The following LEMD1 variants were observed in gnomAD, a reference collection of about 807,000 sequenced individuals.
LEMD1 encodes LEM domain-containing protein 1.
A neutral mutation model predicts 17.4 loss-of-function variants in LEMD1; 18 were observed. The observed-to-expected ratio is 1.04, with a 90% confidence interval of 0.72 to 1.54. The LOEUF is 1.54. Among genes scored for constraint, LEMD1 ranks in the 40% most tolerant of loss-of-function variants. The pLI, the probability that LEMD1 is intolerant of heterozygous loss-of-function variation, is 0.00. For synonymous variants in LEMD1, 88 were observed against 77.8 expected (o/e 1.13, Z -0.69); for missense variants, 195 against 210.4 (o/e 0.93, Z 0.45).
rs187026787 is a variant in LEMD1 at position 205,416,563 on chromosome 1, G to A, written c.206-267C>T. Among the ~76,000 whole-genome samples the A allele has an allele frequency of 2.6e-5, 4 of 152,232 alleles. No homozygotes were observed. In the East Asian group the frequency reaches 5.8e-4, roughly 22 times the overall value. On this transcript the variant is annotated intron_variant, in intron 3 of 5. Coordinates refer to ENST00000367153, the MANE Select transcript of LEMD1 (RefSeq NM_001199050.2). ...ATACACAAGCTGGCTGCCCATCTGG[G>A]CAGCTGTTTGCAGTCTAGTCATTGT...
chr1:205,397,793 G>A (rs1338857142), intron 4 of LEMD1, among the ~76,000 whole-genome samples: 1 of 152,128 alleles, frequency 6.6e-6, no homozygotes, highest in Non-Finnish European at 1.5e-5. Context: ...TTTAGCTAAA[G>A]CCAATATTGG....
At chr1:205,433,600 G>A (rs781151939) in intron 1 of LEMD1, among the ~76,000 whole-genome samples, 2 of 152,204 alleles carry the variant, frequency 1.3e-5, no homozygotes, top group African/African-American at 4.8e-5. Flanking sequence ...TCAGTCAACA[G>A]CAGTGCACAG....
At chr1:205,411,379 C>G (rs1409015980) in intron 4 of LEMD1, among the ~76,000 whole-genome samples, 2 of 151,708 alleles carry the variant, frequency 1.3e-5, no homozygotes, top group Non-Finnish European at 2.9e-5. Flanking sequence ...CACGATGAAA[C>G]CCCTTCTCTA....
At chr1:205,435,843 CAG>C (rs1666196014) in intron 1 of LEMD1, 1 of 152,174 alleles carries the variant, frequency 6.6e-6, no homozygotes, top group African/African-American at 2.4e-5. Flanking sequence ...CTCAAAAGGG[CAG>C]AGACAAACCC....
intron 4 of LEMD1, among the ~76,000 whole-genome samples, chr1:205,413,119 T>G (rs980112086): frequency 3.9e-5 from 6 of 152,244 alleles, no homozygotes; most frequent in Non-Finnish European, 8.8e-5. Flanking sequence ...TCTTTTCATT[T>G]GTTTAAACTT....
chr1:205,439,868 A>T (rs1666264851), intron 1 of LEMD1, among the ~76,000 whole-genome samples: 1 of 151,750 alleles, frequency 6.6e-6, no homozygotes, highest in Non-Finnish European at 1.5e-5. Flanking sequence ...GGAAGGAAGA[A>T]GGAAAGAGGG....
chr1:205,427,501 G>GAC (rs978004077), intron 1 of LEMD1, among the ~76,000 whole-genome samples: 2 of 151,712 alleles, frequency 1.3e-5, no homozygotes, highest in South Asian at 2.1e-4. Context: ...GAGAGAGAGA[G>GAC]AGAGAGACAG....
rs530315112 is a variant in LEMD1, at chr1:205,419,452, C to G, written c.83-100G>C. The G allele has an allele frequency of 7.5e-6, 10 of 1,334,698 alleles. No homozygotes were observed. In the East Asian group the frequency reaches 1.2e-4, roughly 15 times the overall value. The allele number at this position is 1,334,698 out of a possible 1,614,324, so 82.7% of individuals were successfully genotyped here. ...ATAACTCAGAATTTTATTCTTAACC[C>G]TTACATTATTGGTTAATTATGGCTT... On this transcript the variant is annotated intron_variant, in intron 2 of 5. Coordinates refer to ENST00000367153, the MANE Select transcript of LEMD1 (RefSeq NM_001199050.2).
At chr1:205,416,039 G>T (rs1216698570) in intron 4 of LEMD1, among the ~76,000 whole-genome samples, 193 bp downstream of exon 4, 1 of 152,042 alleles carries the variant, frequency 6.6e-6, no homozygotes, top group Non-Finnish European at 1.5e-5. Context: ...TGTCATTCTG[G>T]GTCCTCTGCT....
At chr1:205,440,285 T>G (rs1419501540) in intron 1 of LEMD1, among the ~76,000 whole-genome samples, 2 of 152,060 alleles carry the variant, frequency 1.3e-5, no homozygotes, top group Admixed American at 1.3e-4. Flanking sequence ...AAACACTGCT[T>G]TCTGGAGAGC....
upstream of LEMD1, among the ~76,000 whole-genome samples, chr1:205,426,006 C>T (rs1381567401): frequency 6.6e-6 from 1 of 152,212 alleles, no homozygotes; most frequent in African/African-American, 2.4e-5. Context: ...CACAGAGCAG[C>T]TCCACTCCAG....
At chr1:205,390,882 A>G (rs112576928) in intron 4 of LEMD1, among the ~76,000 whole-genome samples, 51 of 152,330 alleles carry the variant, frequency 3.3e-4, no homozygotes, top group Non-Finnish European at 6.0e-4. Context: ...ATACACAGGA[A>G]CACAAAGATG....
intron 5 of LEMD1, among the ~76,000 whole-genome samples, chr1:205,383,570 C>T (rs1386028411): frequency 6.7e-6 from 1 of 150,218 alleles, no homozygotes; most frequent in Non-Finnish European, 1.5e-5. Flanking sequence ...CTCTTCTGAC[C>T]TATTGAACCC....
In LEMD1 at chr1:205,384,328, C is replaced by T; in HGVS notation, c.307G>A (p.Asp103Asn). 2.0e-6 allele frequency: 3 copies of T among 1,526,386 alleles called. No individual in the cohort carries two copies. The highest frequency in any genetic ancestry group is 2.6e-6 in the Non-Finnish European group (3 of 1,137,914). 94.6% of individuals were successfully genotyped at this position (1,526,386 alleles called of 1,614,324 possible). Residue 103 changes from aspartate to asparagine, a missense_variant, in exon 5 of 6, where the codon GAT becomes AAT. Transcript: ENST00000367153. ...GGCTTATAATCCAAGCAATAGGTATCTACAGCTTTGCGTTTAGTGGTGGAA... is the reference window on the plus strand; with the variant it reads ...GGCTTATAATCCAAGCAATAGGTATTTACAGCTTTGCGTTTAGTGGTGGAA... Reference protein sequence around the residue: ...EASTTKRKAVDTYCLDYKPSK... With the variant: ...EASTTKRKAVNTYCLDYKPSK...
chr1:205,422,404 T>C (rs560340693), upstream of LEMD1, among the ~76,000 whole-genome samples: 1 of 152,308 alleles, frequency 6.6e-6, no homozygotes, highest in South Asian at 2.1e-4. Flanking sequence ...AATTTGACCA[T>C]CTACTCCAGG....
intron 1 of LEMD1, among the ~76,000 whole-genome samples, chr1:205,432,451 G>A (rs1452293818): frequency 6.6e-6 from 1 of 152,234 alleles, no homozygotes; most frequent in East Asian, 1.9e-4. Flanking sequence ...ACAAGTGCCT[G>A]AAAACTGCCC....
At chr1:205,427,505 G>GAGAGAC (rs1553398595) in intron 1 of LEMD1, among the ~76,000 whole-genome samples, 2 of 151,460 alleles carry the variant, frequency 1.3e-5, no homozygotes, top group African/African-American at 4.9e-5. Flanking sequence ...GAGAGAGAGA[G>GAGAGAC]AGACAGAGAG....
chr1:205,424,802 C>G (rs1328468491), upstream of LEMD1, among the ~76,000 whole-genome samples: 1 of 152,152 alleles, frequency 6.6e-6, no homozygotes, highest in African/African-American at 2.4e-5. Flanking sequence ...ACACTAAGGG[C>G]TCTGCCTTCA....
chr1:205,426,484 G>T (rs1666056482), upstream of LEMD1, among the ~76,000 whole-genome samples: 1 of 152,206 alleles, frequency 6.6e-6, no homozygotes, highest in South Asian at 2.1e-4. Flanking sequence ...AATCTCCCCT[G>T]GTTGGGGGTG....
Sources: gnomAD v4.1 joint callset for allele counts (sites outside exome capture counted in the v4.1 genomes callset) on GRCh38, gnomAD v4.1.1 for gene constraint, MANE v1.5 for transcripts, NCBI Gene and HGNC (gene_info 2026-07-23, HGNC 2026-07-21) for gene names.